The following CFAP57 variants were observed in gnomAD, a reference collection of about 807,000 sequenced individuals.
CFAP57 encodes cilia and flagella associated protein 57, also known as cilia- and flagella-associated protein 57.
In CFAP57, 116 loss-of-function variants were observed where a neutral mutation model predicts 146.8. The ratio of observed to expected loss-of-function variants is 0.79; its 90% CI spans 0.68 to 0.92. The LOEUF is 0.92. Among genes scored for constraint, CFAP57 ranks in the 40% least tolerant of loss-of-function variants. CFAP57 has a pLI of 0.00. For synonymous variants in CFAP57, 518 were observed against 552.8 expected, an observed-to-expected ratio of 0.94 and a Z score of 0.88; for missense variants, 1,377 against 1,527.2, an observed-to-expected ratio of 0.90 and a Z score of 1.64.
intron 21 of CFAP57, among the ~76,000 whole-genome samples, chr1:43,237,085 A>C (rs1028454681): frequency 6.6e-6 from 1 of 152,144 alleles, no homozygotes; most frequent in Non-Finnish European, 1.5e-5. Flanking sequence ...AACTGATTCC[A>C]GACCCTCAGT....
Position 43,198,641 on chromosome 1 carries a change from G to A in CFAP57, c.1423G>A (p.Gly475Arg), listed in dbSNP as rs779052991. 25 of 1,602,618 alleles carry A rather than the reference G, an allele frequency of 1.6e-5. 1 individual carries two copies. Among genetic ancestry groups the A allele is most frequent in the South Asian group, 6.6e-5 (6 of 90,784 alleles). Residue 475 changes from glycine (G) to arginine (R), a missense_variant, in exon 8 of 23, where the codon GGA (glycine) becomes AGA (arginine). Gly to Arg is a moderately radical substitution (Grantham distance 125). Transcript: ENST00000372492. Reference sequence around the variant, plus strand: ...CAAAGAATACTCTGTTAGAGGATGCGGAGAGGTAAAAAAAAAACTGCTGAA... The same window carrying A: ...CAAAGAATACTCTGTTAGAGGATGCAGAGAGGTAAAAAAAAAACTGCTGAA... ...SFKEYSVRGC[G>R]ECSFSNGGHL...
intron 11 of CFAP57, chr1:43,210,225 C>T (rs1644543703): frequency 1.3e-6 from 2 of 1,502,958 alleles, no homozygotes; most frequent in Non-Finnish European, 1.8e-6. Flanking sequence ...CTGCACTTGA[C>T]CACAGCTGCC....
At chr1:43,219,268 A>T in intron 12 of CFAP57, 114 bp from the exon 13 acceptor site, 2 of 1,115,920 alleles carry the variant, frequency 1.8e-6, no homozygotes, top group Non-Finnish European at 2.5e-6. Flanking sequence ...TAGTTGAGAC[A>T]CATTGAGTTT....
At chr1:43,239,642 G>A (rs1329250840) in intron 21 of CFAP57, among the ~76,000 whole-genome samples, 1 of 152,228 alleles carries the variant, frequency 6.6e-6, no homozygotes, top group Non-Finnish European at 1.5e-5. Context: ...AGCAGCTAAA[G>A]ATGCAAACTG....
chr1:43,172,572 G>A (rs1569746957), intron 1 of CFAP57, 119 bp downstream of exon 1: 1 of 477,908 alleles, frequency 2.1e-6, no homozygotes, highest in South Asian at 1.9e-5. Context: ...CGGGGGAGGG[G>A]AAAGGGGAGG....
At chr1:43,210,498 G>T in intron 11 of CFAP57, 1 of 872,798 alleles carries the variant, frequency 1.1e-6, no homozygotes, top group Non-Finnish European at 1.4e-6. Flanking sequence ...TGCCTAAAAA[G>T]GAAGGGAATT....
At position 43,183,721 on chromosome 1, in the gene CFAP57, C is replaced by T; in HGVS notation, c.605C>T (p.Ala202Val). Residue 202 changes from alanine to valine, a missense_variant, in exon 4 of 23, where the codon GCT becomes GTT. Ala to Val is a moderately conservative substitution (Grantham distance 64). Transcript: ENST00000372492. ...FQRGEPQNYLAHTWVADDKIV... is the reference protein window; with the variant it reads ...FQRGEPQNYLVHTWVADDKIV... ...AGGGGAGAACCCCAAAACTATCTAG[C>T]TCACACCTGGGTGGCTGATGACAAG... 6.2e-7 allele frequency: 1 copy of T among 1,614,202 alleles called. No homozygotes were observed. The highest frequency in any genetic ancestry group is 8.5e-7 in the Non-Finnish European group (1 of 1,180,044).
At chr1:43,204,428 C>T (rs1039289894) in intron 9 of CFAP57, among the ~76,000 whole-genome samples, 7 of 151,648 alleles carry the variant, frequency 4.6e-5, no homozygotes, top group African/African-American at 1.7e-4. Context: ...GTTTATGTTT[C>T]AATTTTTTGT....
intron 21 of CFAP57, among the ~76,000 whole-genome samples, chr1:43,239,087 C>T (rs1382605389): frequency 3.3e-5 from 5 of 152,070 alleles, no homozygotes; most frequent in Non-Finnish European, 5.9e-5. Flanking sequence ...CACACTGTCA[C>T]ACTGGGTTGG....
intron 10 of CFAP57, among the ~76,000 whole-genome samples, chr1:43,207,890 C>T (rs1388011282): frequency 6.6e-6 from 1 of 152,218 alleles, no homozygotes; most frequent in Non-Finnish European, 1.5e-5. Context: ...CCTGTGTACC[C>T]CCGAGTAGCC....
intron 9 of CFAP57, among the ~76,000 whole-genome samples, chr1:43,203,409 A>G (rs2124456204): frequency 6.6e-6 from 1 of 152,230 alleles, no homozygotes; most frequent in East Asian, 1.9e-4. Context: ...TGTCAAAGAC[A>G]CCACAAGAAA....
At chr1:43,213,508 G>C (rs368114375) in intron 11 of CFAP57, among the ~76,000 whole-genome samples, 3,134 of 107,568 alleles carry the variant, frequency 0.029, 137 homozygotes, top group African/African-American at 0.087. Context: ...AAATATGGGG[G>C]GGGCGGTGGA....
intron 12 of CFAP57, among the ~76,000 whole-genome samples, chr1:43,219,052 A>G (rs1030816693): frequency 7.9e-5 from 12 of 152,212 alleles, no homozygotes; most frequent in Non-Finnish European, 1.8e-4. Flanking sequence ...AAGAGAGGTG[A>G]TGGGTCCTGG....
intron 21 of CFAP57, among the ~76,000 whole-genome samples, chr1:43,240,921 G>A (rs986839492): frequency 1.7e-4 from 26 of 152,170 alleles, no homozygotes; most frequent in African/African-American, 5.8e-4. Context: ...TGCAAGCTCC[G>A]CCTCCTGGGT....
chr1:43,215,166 C>T, intron 11 of CFAP57, 89 bp from the exon 12 acceptor site: 1 of 1,409,630 alleles, frequency 7.1e-7, no homozygotes, highest in South Asian at 1.2e-5. Flanking sequence ...CCCAGGATTG[C>T]ATGGGGGGAA....
chr1:43,203,391 C>A (rs1338439958), intron 9 of CFAP57, among the ~76,000 whole-genome samples: 1 of 151,780 alleles, frequency 6.6e-6, no homozygotes, highest in African/African-American at 2.4e-5. Context: ...AATTGTGATA[C>A]CAAAATCTGT....
chr1:43,211,175 A>G (rs1010978107), intron 11 of CFAP57, among the ~76,000 whole-genome samples: 6 of 152,224 alleles, frequency 3.9e-5, no homozygotes, highest in Non-Finnish European at 8.8e-5. Flanking sequence ...CTTGGGTCCA[A>G]AGTAAATTAC....
chr1:43,217,385 G>A (rs890557729), intron 12 of CFAP57, among the ~76,000 whole-genome samples: 3 of 152,128 alleles, frequency 2.0e-5, no homozygotes, highest in African/African-American at 7.2e-5. Flanking sequence ...GTCAAAGGCC[G>A]GGTCATTCCC....
In CFAP57 at chr1:43,243,235, C is replaced by A; in HGVS notation, c.3414C>A (p.Val1138=). ...TDYVRIMQEN[V]SLIKEINELR... Reference sequence around the variant, plus strand: ...TTCCCCCTTTTCTGCAGGAAAATGTCTCTCTGATCAAGGAAATTAATGAGC... The same window carrying A: ...TTCCCCCTTTTCTGCAGGAAAATGTATCTCTGATCAAGGAAATTAATGAGC... Residue 1138 remains valine, a synonymous_variant, in exon 22 of 23, where the codon GTC becomes GTA. Coordinates refer to ENST00000372492, the MANE Select transcript of CFAP57 (RefSeq NM_001378189.1). 1 of 1,549,972 alleles carries A rather than the reference C, an allele frequency of 6.5e-7. No individual in the cohort carries two copies. The highest frequency in any genetic ancestry group is 8.7e-7 in the Non-Finnish European group (1 of 1,146,684).
Sources: allele counts gnomAD v4.1 joint callset (sites outside exome capture counted in the v4.1 genomes callset), GRCh38; gene constraint gnomAD v4.1.1; transcripts MANE v1.5; gene names NCBI Gene and HGNC (gene_info 2026-07-23, HGNC 2026-07-21).